Variants in SORCS3 observed in about 807,000 individuals in gnomAD.
The protein encoded by SORCS3 is sortilin related VPS10 domain containing receptor 3.
Under a neutral mutation model 146.3 loss-of-function variants are expected in SORCS3, and 57 were observed. That is an observed-to-expected ratio of 0.39 (90% CI 0.31 to 0.49). The LOEUF is 0.49. SORCS3 is among the 20% of genes least tolerant of loss of function. The pLI, the probability that SORCS3 is intolerant of heterozygous loss-of-function variation, is 0.92. For missense variants in SORCS3, 1,341 were observed against 1,575.5 expected (o/e 0.85, Z 2.52); for synonymous variants, 653 against 618.5 (o/e 1.06, Z -0.83).
intron 20 of SORCS3, among the ~76,000 whole-genome samples, chr10:105,242,404 A>ATT (rs1353332497): frequency 1.0e-5 from 1 of 100,492 alleles, no homozygotes; most frequent in African/African-American, 4.1e-5. Context: ...ATATTTATAC[A>ATT]TATATTTATA....
At chr10:105,008,494 A>G (rs1042112438) in intron 4 of SORCS3, among the ~76,000 whole-genome samples, 2 of 152,090 alleles carry the variant, frequency 1.3e-5, no homozygotes, top group South Asian at 2.1e-4. Flanking sequence ...GGTACCTGCT[A>G]TGGTTTTTGT....
chr10:105,129,469 C>A (rs2056002005), intron 7 of SORCS3, among the ~76,000 whole-genome samples: 1 of 151,454 alleles, frequency 6.6e-6, no homozygotes, highest in East Asian at 1.9e-4. Context: ...GTTTCATGGG[C>A]AGTGCCTTCC....
chr10:105,187,195 T>C (rs1202507804), intron 14 of SORCS3, among the ~76,000 whole-genome samples: 1 of 152,220 alleles, frequency 6.6e-6, no homozygotes, highest in Non-Finnish European at 1.5e-5. Flanking sequence ...TTAGTCTCTT[T>C]CTCGGTTTTC....
chr10:104,715,925 A>G (rs2016471313), intron 1 of SORCS3, among the ~76,000 whole-genome samples: 2 of 152,118 alleles, frequency 1.3e-5, no homozygotes, highest in Admixed American at 6.5e-5. Flanking sequence ...GGTGTATGCC[A>G]AGTAGAGCCA....
At chr10:104,827,424 G>A (rs2017949308) in intron 1 of SORCS3, among the ~76,000 whole-genome samples, 1 of 152,096 alleles carries the variant, frequency 6.6e-6, no homozygotes, top group Non-Finnish European at 1.5e-5. Context: ...TAGATCTTGG[G>A]AGACCAGGTG....
At chr10:105,082,282 G>A (rs1226707053) in intron 5 of SORCS3, among the ~76,000 whole-genome samples, 1 of 152,072 alleles carries the variant, frequency 6.6e-6, no homozygotes, top group Non-Finnish European at 1.5e-5. Context: ...TTAGTAGCAG[G>A]GGCTTCTTAT....
chr10:104,826,704 T>C (rs2017939562), intron 1 of SORCS3, among the ~76,000 whole-genome samples: 1 of 152,228 alleles, frequency 6.6e-6, no homozygotes, highest in South Asian at 2.1e-4. Context: ...GGGATGGCTG[T>C]GGCAATTTCA....
intron 5 of SORCS3, among the ~76,000 whole-genome samples, chr10:105,048,460 T>A (rs958753785): frequency 1.2e-4 from 18 of 148,398 alleles, no homozygotes; most frequent in Non-Finnish European, 2.1e-4. Flanking sequence ...CCGCATGTTC[T>A]CACTCACAGG....
intron 3 of SORCS3, among the ~76,000 whole-genome samples, chr10:104,947,963 A>G (rs2133623797): frequency 6.6e-6 from 1 of 152,288 alleles, no homozygotes; most frequent in East Asian, 1.9e-4. Context: ...TCAAAAAACA[A>G]AACTCCTTTT....
intron 6 of SORCS3, among the ~76,000 whole-genome samples, chr10:105,090,487 C>T (rs568922249): frequency 7.2e-5 from 11 of 152,312 alleles, no homozygotes; most frequent in African/African-American, 2.6e-4. Context: ...ACAATTTAAG[C>T]ATTTTATTCT....
At chr10:104,990,953 A>G (rs2054990257) in intron 4 of SORCS3, among the ~76,000 whole-genome samples, 1 of 152,198 alleles carries the variant, frequency 6.6e-6, no homozygotes, top group Admixed American at 6.5e-5. Flanking sequence ...AAGTTAGTGG[A>G]AATTTGTTAC....
chr10:105,012,513 G>A (rs1038174440), intron 4 of SORCS3, among the ~76,000 whole-genome samples: 1 of 152,016 alleles, frequency 6.6e-6, no homozygotes, highest in African/African-American at 2.4e-5. Context: ...GAGTTAAGGA[G>A]GCCTTCTTAA....
At chr10:105,048,253 T>C (rs1202824664) in intron 5 of SORCS3, among the ~76,000 whole-genome samples, 4 of 150,776 alleles carry the variant, frequency 2.7e-5, no homozygotes, top group Non-Finnish European at 4.4e-5. Context: ...ATTGCGGCAC[T>C]ATTCACAATA....
intron 1 of SORCS3, among the ~76,000 whole-genome samples, chr10:104,832,256 TTTCAGACA>T (rs772938557): frequency 1.3e-4 from 20 of 152,192 alleles, no homozygotes; most frequent in Non-Finnish European, 2.9e-4. Context: ...TAATAATAGG[TTTCAGACA>T]TCATTCTCTT....
intron 1 of SORCS3, among the ~76,000 whole-genome samples, chr10:104,723,729 G>GTAA (rs2016582618): frequency 6.6e-6 from 1 of 152,174 alleles, no homozygotes; most frequent in African/African-American, 2.4e-5. Flanking sequence ...TTTCCATTGT[G>GTAA]TAATGACCTT....
At chr10:105,164,019 G>A (rs1055845976) in intron 11 of SORCS3, among the ~76,000 whole-genome samples, 3 of 152,118 alleles carry the variant, frequency 2.0e-5, no homozygotes, top group Non-Finnish European at 4.4e-5. Flanking sequence ...CAATGTGAGA[G>A]ATTATTGGTA....
Position 105,252,524 on chromosome 10 carries a change from T to C in SORCS3, c.3106-251T>C, listed in dbSNP as rs116847257. On this transcript the variant is annotated intron_variant, in intron 22 of 26. Transcript: ENST00000369701. The stretch of plus-strand genomic sequence containing the variant: ...CCAGCAAATAATGTTTTAAAAATCA[T>C]TTGTAATACCATTCTAGTTTCAGTA... 7.9e-5 allele frequency among the ~76,000 whole-genome samples: 12 copies of C among 152,354 alleles called. No homozygotes were observed. In the East Asian group the frequency reaches 2.3e-3, roughly 29 times the overall value.
intron 1 of SORCS3, among the ~76,000 whole-genome samples, chr10:104,709,540 C>G (rs1428607684): frequency 6.6e-6 from 1 of 152,150 alleles, no homozygotes; most frequent in Non-Finnish European, 1.5e-5. Flanking sequence ...TACTGAGCAC[C>G]TACTCTGCTT....
chr10:104,891,542 A>G (rs547368224), intron 2 of SORCS3, among the ~76,000 whole-genome samples: 2 of 152,274 alleles, frequency 1.3e-5, no homozygotes, highest in South Asian at 4.2e-4. Flanking sequence ...TGCAGGGTTA[A>G]GGGGCAATTA....
Sources: gnomAD v4.1 joint callset for allele counts (sites outside exome capture counted in the v4.1 genomes callset) on GRCh38, gnomAD v4.1.1 for gene constraint, MANE v1.5 for transcripts, NCBI Gene and HGNC (gene_info 2026-07-23, HGNC 2026-07-21) for gene names.